GRIP1: variants seen among roughly 807,000 people sequenced by gnomAD.
GRIP1 encodes the protein glutamate receptor-interacting protein 1.
Under a neutral mutation model 129.9 loss-of-function variants are expected in GRIP1, and 45 were observed. The observed-to-expected ratio is 0.35, with a 90% CI of 0.27 to 0.44. GRIP1 has a LOEUF of 0.44. GRIP1 is among the 20% of genes least tolerant of loss of function. GRIP1 has a pLI of 1.00. For missense variants in GRIP1, 1,196 were observed against 1,396.8 expected (o/e 0.86, Z 2.29); for synonymous variants, 530 against 520.8 (o/e 1.02, Z -0.24).
intron 1 of GRIP1, among the ~76,000 whole-genome samples, chr12:66,711,733 A>G (rs1180287410): frequency 6.6e-6 from 1 of 151,858 alleles, no homozygotes; most frequent in Non-Finnish European, 1.5e-5. Context: ...ACCTACCAAC[A>G]ATATTCTTTA....
intron 19 of GRIP1, among the ~76,000 whole-genome samples, chr12:66,391,516 T>A (rs1037401411): frequency 6.6e-6 from 1 of 152,240 alleles, no homozygotes; most frequent in Non-Finnish European, 1.5e-5. Context: ...AAGAAAAATC[T>A]ACTCTATACT....
At chr12:66,438,941 C>T (rs11176179) in intron 13 of GRIP1, among the ~76,000 whole-genome samples, 100,593 of 151,956 alleles carry the variant, frequency 0.66, 34,518 homozygotes, top group Non-Finnish European at 0.77. Flanking sequence ...AACAAATAAA[C>T]ATACAATATA....
chr12:66,649,998 G>C (rs1007217262), intron 1 of GRIP1, among the ~76,000 whole-genome samples: 1 of 152,190 alleles, frequency 6.6e-6, no homozygotes, highest in Non-Finnish European at 1.5e-5. Flanking sequence ...GGCTCTAGGA[G>C]AATGTGTCTA....
intron 1 of GRIP1, among the ~76,000 whole-genome samples, chr12:66,729,398 C>T (rs2036357869): frequency 6.6e-6 from 1 of 152,098 alleles, no homozygotes; most frequent in Non-Finnish European, 1.5e-5. Flanking sequence ...ATAATAAATA[C>T]ATATGTGCCA....
intron 15 of GRIP1, among the ~76,000 whole-genome samples, chr12:66,416,492 T>G (rs796133388): frequency 3.3e-5 from 5 of 151,892 alleles, no homozygotes; most frequent in African/African-American, 1.2e-4. Flanking sequence ...GTGAGCAAAA[T>G]GGACAAAGCT....
At chr12:66,418,433 C>T (rs190515234) in intron 15 of GRIP1, among the ~76,000 whole-genome samples, 1 of 151,900 alleles carries the variant, frequency 6.6e-6, no homozygotes, top group East Asian at 1.9e-4. Flanking sequence ...GCAAAATGGA[C>T]AAATGGGATC....
At chr12:66,590,164 G>A (rs1373957761) in intron 2 of GRIP1, among the ~76,000 whole-genome samples, 1 of 152,160 alleles carries the variant, frequency 6.6e-6, no homozygotes, top group Non-Finnish European at 1.5e-5. Flanking sequence ...CATTGACCAA[G>A]TGCCACCTCT....
At chr12:66,482,284 CT>C (rs1200362408) in intron 7 of GRIP1, among the ~76,000 whole-genome samples, 3 of 152,120 alleles carry the variant, frequency 2.0e-5, no homozygotes, top group Non-Finnish European at 2.9e-5. Context: ...GTCAGTGAGA[CT>C]TCTAGGCATC....
At chr12:67,010,822 C>T (rs559953520) in intron 1 of GRIP1, among the ~76,000 whole-genome samples, 8 of 152,080 alleles carry the variant, frequency 5.3e-5, no homozygotes, top group South Asian at 2.1e-4. Context: ...TGTCTCCCCC[C>T]CAGCGCAGGA....
intron 2 of GRIP1, among the ~76,000 whole-genome samples, chr12:66,556,258 G>A (rs924350387): frequency 6.6e-6 from 1 of 152,178 alleles, no homozygotes; most frequent in Admixed American, 6.5e-5. Context: ...TACAGGCCAG[G>A]AGAGCGTGGC....
rs560921397 is a variant in GRIP1, at chr12:66,385,459, C to T, written c.2465-6023G>A. 6.6e-5 allele frequency among the ~76,000 whole-genome samples: 10 copies of T among 152,142 alleles called. No individual in the cohort carries two copies. The East Asian group carries it at 1.9e-3, about 30-fold the overall frequency. ...GCTGAGATAGGAGAGTCACTTGAAC[C>T]TGGGAGGCAGAGGTTGCAGTGAGCC... is the stretch of plus-strand genomic sequence containing the variant. On this transcript the variant is annotated intron_variant, in intron 19 of 24. Coordinates refer to ENST00000359742, the MANE Select transcript of GRIP1 (RefSeq NM_001366722.1).
chr12:66,903,655 C>A (rs2040880414), intron 1 of GRIP1, among the ~76,000 whole-genome samples: 1 of 152,084 alleles, frequency 6.6e-6, no homozygotes, highest in Non-Finnish European at 1.5e-5. Context: ...TTAGGAAACA[C>A]TACATTTTCT....
chr12:66,413,721 C>G (rs1011618659), intron 15 of GRIP1, among the ~76,000 whole-genome samples: 1 of 152,140 alleles, frequency 6.6e-6, no homozygotes, highest in Non-Finnish European at 1.5e-5. Context: ...CAAACTGAAT[C>G]CAGCAGCACT....
At chr12:66,824,242 C>T (rs1000570700) in intron 1 of GRIP1, among the ~76,000 whole-genome samples, 20 of 152,128 alleles carry the variant, frequency 1.3e-4, no homozygotes, top group African/African-American at 3.6e-4. Flanking sequence ...AACAACCCTC[C>T]CCATCAAGGT....
intron 9 of GRIP1, among the ~76,000 whole-genome samples, chr12:66,457,669 G>C (rs2059007317): frequency 6.6e-6 from 1 of 152,184 alleles, no homozygotes; most frequent in Non-Finnish European, 1.5e-5. Flanking sequence ...CAGTCGTTTA[G>C]ATAAGAACTT....
At chr12:66,747,364 T>G (rs1350076720) in intron 1 of GRIP1, among the ~76,000 whole-genome samples, 1 of 152,124 alleles carries the variant, frequency 6.6e-6, no homozygotes, top group African/African-American at 2.4e-5. Flanking sequence ...GGCAACTGTG[T>G]ACATGAAAAG....
chr12:66,637,729 T>C (rs998474914), intron 1 of GRIP1, among the ~76,000 whole-genome samples: 2 of 152,188 alleles, frequency 1.3e-5, no homozygotes, highest in African/African-American at 4.8e-5. Flanking sequence ...CAAGTCCTCC[T>C]AGTCTTGCTC....
chr12:66,927,808 T>C (rs919146745), intron 1 of GRIP1, among the ~76,000 whole-genome samples: 2 of 152,208 alleles, frequency 1.3e-5, no homozygotes, highest in Non-Finnish European at 2.9e-5. Context: ...CCAAACCCAA[T>C]GCTAAGTCCA....
chr12:66,769,690 G>GA (rs527462349), intron 1 of GRIP1, among the ~76,000 whole-genome samples: 92 of 148,792 alleles, frequency 6.2e-4, no homozygotes, highest in East Asian at 2.3e-3. Context: ...ATATAGGAGG[G>GA]AAAAAAAAAA....
Sources: allele counts gnomAD v4.1 joint callset (sites outside exome capture counted in the v4.1 genomes callset), GRCh38; gene constraint gnomAD v4.1.1; transcripts MANE v1.5; gene names NCBI Gene and HGNC (gene_info 2026-07-23, HGNC 2026-07-21).